Variants in PPP6C observed in about 807,000 individuals in gnomAD.
PPP6C encodes serine/threonine-protein phosphatase 6 catalytic subunit.
A neutral mutation model predicts 39.8 loss-of-function variants in PPP6C; 11 were observed. The ratio of observed to expected loss-of-function variants is 0.28; its 90% CI spans 0.17 to 0.46. PPP6C has a LOEUF of 0.46. Ranked by LOEUF, PPP6C falls within the 20% of genes least tolerant of loss-of-function variation. The pLI, the probability that PPP6C is intolerant of heterozygous loss-of-function variation, is 1.00. For synonymous variants in PPP6C, 129 were observed against 130.3 expected (o/e 0.99, Z 0.07); for missense variants, 211 against 373.9 (o/e 0.56, Z 3.59).
At chr9:125,164,217 T>C (rs1172222790) in intron 2 of PPP6C, among the ~76,000 whole-genome samples, 13 of 109,306 alleles carry the variant, frequency 1.2e-4, no homozygotes, top group African/African-American at 4.2e-4. Context: ...TCCCTCACTC[T>C]CTTTTTTTTT....
At position 125,148,715 on chromosome 9, in the gene PPP6C, T is replaced by C. The variant is rs1181127675; in HGVS notation, c.*958A>G. 1 of 152,230 alleles carries C rather than the reference T, an allele frequency of 6.6e-6. No homozygotes were observed. The highest frequency in any genetic ancestry group is 2.4e-5 in the African/African-American group (1 of 41,480). 9.4% of individuals were successfully genotyped at this position (152,230 alleles called of 1,614,324 possible). A position where few individuals can be genotyped will look rare whatever the true frequency, so the allele number is the denominator to read the frequency against. On this transcript the variant is annotated 3_prime_UTR_variant, in exon 7 of 7. Coordinates refer to ENST00000373547, the MANE Select transcript of PPP6C (RefSeq NM_002721.5). ...TACTCATGATAGATTGTAAACTGGA[T>C]TGATCACATTCTACTCAACTGGTAT...
chr9:125,167,543 A>T lies in PPP6C; in HGVS notation c.171+3542T>A, dbSNP rs545017730. 4.6e-5 allele frequency among the ~76,000 whole-genome samples: 7 copies of T among 151,020 alleles called. 1 individual carries two copies. In the South Asian group the frequency reaches 8.4e-4, roughly 18 times the overall value. ...ATGGAAAAACCCCATCTCAACTAAA[A>T]ATACAAAAAGTTAGTCAGGCGTGGT... On this transcript the variant is annotated intron_variant, in intron 2 of 6. Coordinates refer to ENST00000373547, the MANE Select transcript of PPP6C (RefSeq NM_002721.5).
In PPP6C at chr9:125,172,712, T is replaced by A. The variant is rs528094321; in HGVS notation, c.76-1532A>T. 2.6e-3 allele frequency among the ~76,000 whole-genome samples: 331 copies of A among 126,158 alleles called. 2 individuals are homozygous for A. The highest frequency in any genetic ancestry group is 9.4e-3 in the African/African-American group (316 of 33,726). 82.8% of individuals were successfully genotyped at this position (126,158 alleles called of 152,430 possible). ...CCCAATAAAACTGCAAAGAACTGAA[T>A]ACACACAAACACACACACACACACA... is the stretch of plus-strand genomic sequence containing the variant. On this transcript the variant is annotated intron_variant, in intron 1 of 6. Coordinates refer to ENST00000373547, the MANE Select transcript of PPP6C (RefSeq NM_002721.5).
At chr9:125,162,528 T>C (rs575107676) in intron 2 of PPP6C, among the ~76,000 whole-genome samples, 2 of 146,030 alleles carry the variant, frequency 1.4e-5, no homozygotes, top group African/African-American at 5.1e-5. Flanking sequence ...AATCCCAGCA[T>C]TGTGGGAGGC....
intron 1 of PPP6C, among the ~76,000 whole-genome samples, chr9:125,185,143 T>C (rs1829499086): frequency 6.6e-6 from 1 of 152,094 alleles, no homozygotes; most frequent in Non-Finnish European, 1.5e-5. Context: ...AGGTATGGAA[T>C]CTGTATCTTT....
At chr9:125,154,971 G>A (rs75314345) in intron 4 of PPP6C, among the ~76,000 whole-genome samples, 1,953 of 152,222 alleles carry the variant, frequency 0.013, 34 homozygotes, top group African/African-American at 0.043. Flanking sequence ...GCAGTGGCGC[G>A]ATCACAGCTC....
intron 2 of PPP6C, among the ~76,000 whole-genome samples, chr9:125,167,379 C>CAAAAAAAAAAAAAAAAAAA (rs758123351): frequency 1.1e-4 from 6 of 56,076 alleles, no homozygotes; most frequent in African/African-American, 4.6e-4. Context: ...AGACCCTGTC[C>CAAAAAAAAAAAAAAAAAAA]AAAAAAAAAA....
At chr9:125,184,520 G>A (rs1439591872) in intron 1 of PPP6C, among the ~76,000 whole-genome samples, 1 of 151,062 alleles carries the variant, frequency 6.6e-6, no homozygotes, top group Non-Finnish European at 1.5e-5. Flanking sequence ...CTGCACCACT[G>A]CACTCCACCC....
rs560510457 is a variant in PPP6C, at chr9:125,147,425, C to T, written c.*2248G>A. 6.6e-6 allele frequency: 1 copy of T among 152,282 alleles called. No homozygotes were observed. Among genetic ancestry groups the T allele is most frequent in the East Asian group, 1.9e-4 (1 of 5,178 alleles). 9.4% of individuals were successfully genotyped at this position (152,282 alleles called of 1,614,324 possible). A position where few individuals can be genotyped will look rare whatever the true frequency, so the allele number is the denominator to read the frequency against. ...ATAACTCTATATAGTACATATAGTA[C>T]ATAGCCCTTATTTATTGGAGGGATC... On this transcript the variant is annotated 3_prime_UTR_variant, in exon 7 of 7. Transcript: ENST00000373547.
chr9:125,188,812 A>G (rs949645497), intron 1 of PPP6C: 4 of 374,294 alleles, frequency 1.1e-5, no homozygotes, highest in African/African-American at 8.9e-5. Flanking sequence ...TAATAATAAT[A>G]ATAATAATTA....
intron 2 of PPP6C, among the ~76,000 whole-genome samples, chr9:125,161,503 G>A (rs368271994): frequency 2.6e-5 from 4 of 152,248 alleles, no homozygotes; most frequent in African/African-American, 7.2e-5. Flanking sequence ...GAATGCAGTG[G>A]TGCAATCATA....
chr9:125,162,505 G>A (rs1236644620), intron 2 of PPP6C, among the ~76,000 whole-genome samples: 1 of 148,238 alleles, frequency 6.7e-6, no homozygotes, highest in Non-Finnish European at 1.5e-5. Flanking sequence ...CGGGCACAGT[G>A]GCTCACACTT....
intron 1 of PPP6C, among the ~76,000 whole-genome samples, chr9:125,179,159 G>A (rs1205486618): frequency 1.3e-5 from 2 of 149,058 alleles, no homozygotes; most frequent in Non-Finnish European, 3.0e-5. Flanking sequence ...AGGTTGCGGT[G>A]AGCTGAGATC....
chr9:125,175,416 A>G (rs1226621625), intron 1 of PPP6C, among the ~76,000 whole-genome samples: 3 of 151,966 alleles, frequency 2.0e-5, no homozygotes, highest in African/African-American at 7.2e-5. Context: ...AGGCGGGTGG[A>G]TCACGAGGTC....
intron 6 of PPP6C, chr9:125,151,084 G>A: frequency 9.8e-6 from 13 of 1,326,526 alleles, no homozygotes; most frequent in Non-Finnish European, 1.3e-5. Context: ...TCTGTATGCA[G>A]AGCCAGGTGT....
chr9:125,157,174 C>T (rs1247466881), intron 4 of PPP6C, among the ~76,000 whole-genome samples: 1 of 134,538 alleles, frequency 7.4e-6, no homozygotes, highest in African/African-American at 2.7e-5. Context: ...TTAGTAGAGA[C>T]AGGGTTTAGT....
chr9:125,188,402 T>C (rs1829578561), intron 1 of PPP6C, among the ~76,000 whole-genome samples: 1 of 151,250 alleles, frequency 6.6e-6, no homozygotes, highest in Non-Finnish European at 1.5e-5. Context: ...AAGAATACAC[T>C]GAGTCGGTTA....
At chr9:125,159,036 G>GT (rs1176354960) in intron 3 of PPP6C, among the ~76,000 whole-genome samples, 19,160 of 117,970 alleles carry the variant, frequency 0.16, 1,697 homozygotes, top group East Asian at 0.25. Context: ...TATTTTTTAA[G>GT]TTTTTTTTTT....
chr9:125,186,674 C>T (rs1829536162), intron 1 of PPP6C, among the ~76,000 whole-genome samples: 1 of 151,588 alleles, frequency 6.6e-6, no homozygotes, highest in South Asian at 2.1e-4. Context: ...TGCCTGAGCC[C>T]AGGAGGTCGA....
Sources: gnomAD v4.1 joint callset for allele counts (sites outside exome capture counted in the v4.1 genomes callset) on GRCh38, gnomAD v4.1.1 for gene constraint, MANE v1.5 for transcripts, NCBI Gene and HGNC (gene_info 2026-07-23, HGNC 2026-07-21) for gene names.